The following ACP1 variants were observed in gnomAD, a reference collection of about 807,000 sequenced individuals.
ACP1 encodes acid phosphatase 1.
ACP1 carries 23 observed loss-of-function variants against 23.4 expected under a neutral mutation model. The observed-to-expected ratio is 0.98, with a 90% CI of 0.71 to 1.39. ACP1 has a LOEUF of 1.39. Ranked by LOEUF, ACP1 falls within the 40% of genes most tolerant of loss-of-function variation. The probability of loss-of-function intolerance (pLI) is 0.00; values close to 1 mark genes in which losing one functional copy is unlikely to be tolerated. For synonymous variants in ACP1, 72 were observed against 67.2 expected, an observed-to-expected ratio of 1.07 and a Z score of -0.35; for missense variants, 180 against 197.7, an observed-to-expected ratio of 0.91 and a Z score of 0.54.
At chr2:274,501 CTG>C (rs1392411354) in intron 3 of ACP1, 1 of 152,346 alleles carries the variant, frequency 6.6e-6, no homozygotes, top group East Asian at 1.9e-4. Flanking sequence ...GCATTCTCTT[CTG>C]TGTGAGGTTT....
intron 1 of ACP1, chr2:266,482 G>A (rs554812438): frequency 6.6e-6 from 1 of 152,294 alleles, no homozygotes; most frequent in Non-Finnish European, 1.5e-5. Flanking sequence ...TGCTGTTAAT[G>A]GGGAAGTGTA....
intron 1 of ACP1, among the ~76,000 whole-genome samples, chr2:265,472 G>A (rs1669840770): frequency 6.6e-6 from 1 of 152,158 alleles, no homozygotes; most frequent in Non-Finnish European, 1.5e-5. Context: ...TTACGGTTTC[G>A]GGTTTCTTGA....
chr2:272,201 G>A, intron 3 of ACP1, 51 bp downstream of exon 3: 2 of 1,614,148 alleles, frequency 1.2e-6, no homozygotes, highest in Non-Finnish European at 1.7e-6. Context: ...GTGGGTCATT[G>A]ACAGCGGTGC....
intron 4 of ACP1, among the ~76,000 whole-genome samples, chr2:276,511 A>T (rs1303970576): frequency 6.6e-6 from 1 of 152,156 alleles, no homozygotes; most frequent in Admixed American, 6.5e-5. Context: ...GTCTAGAGTG[A>T]AGCTGAGTTT....
At chr2:269,446 A>G (rs960382131) in intron 1 of ACP1, 2 of 431,286 alleles carry the variant, frequency 4.6e-6, no homozygotes, top group Non-Finnish European at 4.8e-6. Flanking sequence ...GTTTTACAAC[A>G]CTAGAAGATC....
At position 272,027 on chromosome 2, in the gene ACP1, T is replaced by TC; in HGVS notation, c.118-6dup. ...AAAAAAAAAAAAATTCCATGTTTCT[T>TC]CCCCTGCAGTGGAGGGTAGACAGCG... is the stretch of plus-strand genomic sequence containing the variant. On this transcript the variant is annotated splice_polypyrimidine_tract_variant and intron_variant, in intron 2 of 5. Coordinates refer to ENST00000272065, the MANE Select transcript of ACP1 (RefSeq NM_004300.4). 1 of 1,610,580 alleles carries TC rather than the reference T, an allele frequency of 6.2e-7. No individual in the cohort carries two copies. Among genetic ancestry groups the TC allele is most frequent in the Non-Finnish European group, 8.5e-7 (1 of 1,178,670 alleles).
chr2:269,805 A>G (rs1669983263), intron 1 of ACP1, among the ~76,000 whole-genome samples: 1 of 152,018 alleles, frequency 6.6e-6, no homozygotes, highest in Non-Finnish European at 1.5e-5. Flanking sequence ...TTCCTGGGGG[A>G]GGAAATGCTG....
chr2:272,336 A>G (rs1364490212), intron 3 of ACP1, 186 bp downstream of exon 3: 6 of 1,595,228 alleles, frequency 3.8e-6, no homozygotes, highest in Admixed American at 1.7e-5. Flanking sequence ...TTTCTAATAT[A>G]TAGAGTCCAG....
intron 1 of ACP1, among the ~76,000 whole-genome samples, chr2:269,787 C>T (rs1209487123): frequency 2.0e-5 from 3 of 152,224 alleles, no homozygotes; most frequent in Admixed American, 2.0e-4. Context: ...CAGAGGGGCC[C>T]TGCCTCATTC....
chr2:265,201 C>A (rs1669824438), intron 1 of ACP1, 194 bp downstream of exon 1: 2 of 560,462 alleles, frequency 3.6e-6, no homozygotes, highest in African/African-American at 2.0e-5. Context: ...CCAGCCTGCC[C>A]GCTAAACCTG....
At chr2:265,753 T>C (rs1669854252) in intron 1 of ACP1, among the ~76,000 whole-genome samples, 1 of 152,236 alleles carries the variant, frequency 6.6e-6, no homozygotes, top group African/African-American at 2.4e-5. Flanking sequence ...GTCCGGTTAC[T>C]TAAAACCTTC....
At chr2:276,000 TTC>T (rs1346093724) in intron 4 of ACP1, among the ~76,000 whole-genome samples, 2 of 152,218 alleles carry the variant, frequency 1.3e-5, no homozygotes, top group African/African-American at 4.8e-5. Flanking sequence ...TCAGTCCTTA[TTC>T]TGTTCTCATT....
chr2:265,246 T>C, intron 1 of ACP1: 1 of 490,724 alleles, frequency 2.0e-6, no homozygotes, highest in Non-Finnish European at 3.6e-6. Flanking sequence ...CCGGGGCTCT[T>C]GGCATCTGCA....
chr2:272,538 C>G (rs1299904898), intron 3 of ACP1: 1 of 1,334,120 alleles, frequency 7.5e-7, no homozygotes, highest in African/African-American at 1.5e-5. Context: ...AATGAGAGAG[C>G]CTGACTGTGA....
At chr2:273,819 C>G (rs1328069226) in intron 3 of ACP1, among the ~76,000 whole-genome samples, 2 of 152,078 alleles carry the variant, frequency 1.3e-5, no homozygotes, top group Non-Finnish European at 2.9e-5. Flanking sequence ...GAATTTAAAA[C>G]AAGTTTAGTA....
At chr2:265,248 G>C in intron 1 of ACP1, 1 of 487,874 alleles carries the variant, frequency 2.0e-6, no homozygotes, top group Non-Finnish European at 3.6e-6. Context: ...GGGGCTCTTG[G>C]CATCTGCAGC....
chr2:272,383 T>A, intron 3 of ACP1: 1 of 1,523,760 alleles, frequency 6.6e-7, no homozygotes. Flanking sequence ...ACCAGACTTG[T>A]ATATTAATGA....
chr2:276,642 C>G (rs1670181222), intron 4 of ACP1, among the ~76,000 whole-genome samples: 1 of 152,152 alleles, frequency 6.6e-6, no homozygotes, highest in Non-Finnish European at 1.5e-5. Flanking sequence ...TGTTTTGGGA[C>G]TGGTTCAGAT....
chr2:271,016 C>A (rs961164903), intron 1 of ACP1, among the ~76,000 whole-genome samples: 10 of 152,090 alleles, frequency 6.6e-5, no homozygotes, highest in Non-Finnish European at 1.3e-4. Context: ...TAAGGATGGC[C>A]CTGATGTCGA....
Sources: allele counts gnomAD v4.1 joint callset (sites outside exome capture counted in the v4.1 genomes callset), GRCh38; gene constraint gnomAD v4.1.1; transcripts MANE v1.5; gene names NCBI Gene and HGNC (gene_info 2026-07-23, HGNC 2026-07-21).